Variants in PLD1 observed in about 807,000 individuals in gnomAD.
PLD1 encodes the protein phospholipase D1.
A neutral mutation model predicts 137.1 loss-of-function variants in PLD1; 112 were observed. That is an observed-to-expected ratio of 0.82 (90% CI 0.70 to 0.96). PLD1 has a LOEUF of 0.96. Among genes scored for constraint, PLD1 ranks in the 40% least tolerant of loss-of-function variants. PLD1 has a pLI of 0.00. For missense variants in PLD1, 1,321 were observed against 1,342.0 expected, an observed-to-expected ratio of 0.98 and a Z score of 0.24; for synonymous variants, 431 against 454.7, an observed-to-expected ratio of 0.95 and a Z score of 0.66.
intron 1 of PLD1, among the ~76,000 whole-genome samples, chr3:171,743,111 T>C (rs368998899): frequency 1.3e-5 from 2 of 152,164 alleles, no homozygotes; most frequent in Admixed American, 1.3e-4. Flanking sequence ...GGTTGCAGTG[T>C]CCCTCTGTGA....
At chr3:171,806,579 GC>G (rs1459489532) in intron 1 of PLD1, among the ~76,000 whole-genome samples, 1 of 152,224 alleles carries the variant, frequency 6.6e-6, no homozygotes, top group Non-Finnish European at 1.5e-5. Context: ...CAGAGCTACA[GC>G]TTTTCTTGTG....
At chr3:171,802,843 C>T (rs1233660206) in intron 1 of PLD1, among the ~76,000 whole-genome samples, 1 of 152,128 alleles carries the variant, frequency 6.6e-6, no homozygotes, top group African/African-American at 2.4e-5. Context: ...TCGAGGCTAC[C>T]ATACAATGTG....
intron 19 of PLD1, among the ~76,000 whole-genome samples, chr3:171,670,678 A>G (rs1219265845): frequency 3.3e-5 from 5 of 152,146 alleles, no homozygotes; most frequent in Admixed American, 2.6e-4. Flanking sequence ...CTTCCTTTTA[A>G]TTTTTGTCCT....
intron 13 of PLD1, among the ~76,000 whole-genome samples, chr3:171,690,023 T>C (rs1354331952): frequency 6.6e-6 from 1 of 152,228 alleles, no homozygotes; most frequent in Non-Finnish European, 1.5e-5. Flanking sequence ...GCTTTTCATC[T>C]GGGGGAGATT....
chr3:171,649,706 A>G (rs942878543), intron 21 of PLD1, among the ~76,000 whole-genome samples: 3 of 152,228 alleles, frequency 2.0e-5, no homozygotes, highest in Non-Finnish European at 4.4e-5. Context: ...CACTTCATCC[A>G]CATTAGTTCA....
intron 19 of PLD1, among the ~76,000 whole-genome samples, chr3:171,665,967 G>C (rs769641686): frequency 6.6e-6 from 1 of 152,090 alleles, no homozygotes; most frequent in African/African-American, 2.4e-5. Context: ...AAAATCACTT[G>C]GGATTGTTAT....
At chr3:171,721,214 G>A (rs765959244) in intron 8 of PLD1, 8 of 152,246 alleles carry the variant, frequency 5.3e-5, no homozygotes, top group Non-Finnish European at 1.2e-4. Context: ...GACGCCTTAG[G>A]TTGGGTTGTC....
intron 1 of PLD1, among the ~76,000 whole-genome samples, chr3:171,784,117 A>G (rs1189248062): frequency 6.6e-6 from 1 of 152,224 alleles, no homozygotes; most frequent in Non-Finnish European, 1.5e-5. Flanking sequence ...TAGAATGGGA[A>G]ATATAAGACA....
chr3:171,757,569 T>C (rs1721115490), intron 1 of PLD1, among the ~76,000 whole-genome samples: 1 of 152,176 alleles, frequency 6.6e-6, no homozygotes, highest in Admixed American at 6.5e-5. Flanking sequence ...AGAGTCCTTT[T>C]GAAATCACTT....
chr3:171,764,956 A>AAG (rs1721843386), intron 1 of PLD1, among the ~76,000 whole-genome samples: 1 of 82,856 alleles, frequency 1.2e-5, no homozygotes, highest in African/African-American at 3.7e-5. Flanking sequence ...GAAAGAAAGA[A>AAG]AGAAAGAAAG....
At chr3:171,748,656 A>G (rs1720439394) in intron 1 of PLD1, among the ~76,000 whole-genome samples, 1 of 151,978 alleles carries the variant, frequency 6.6e-6, no homozygotes, top group African/African-American at 2.4e-5. Context: ...TTGGCCATCT[A>G]TGTAATTACT....
At chr3:171,652,056 C>T (rs940945806) in intron 21 of PLD1, among the ~76,000 whole-genome samples, 1 of 152,274 alleles carries the variant, frequency 6.6e-6, no homozygotes, top group South Asian at 2.1e-4. Context: ...CTCCAGAAAT[C>T]GTACAGAGCT....
At chr3:171,708,907 A>C in intron 10 of PLD1, 69 bp from the exon 11 acceptor site, 1 of 969,072 alleles carries the variant, frequency 1.0e-6, no homozygotes, top group Non-Finnish European at 1.6e-6. Context: ...TCTTATGGTA[A>C]AGCAAAACAT....
intron 25 of PLD1, among the ~76,000 whole-genome samples, chr3:171,609,706 A>G (rs1019355983): frequency 6.6e-6 from 1 of 152,174 alleles, no homozygotes; most frequent in Admixed American, 6.6e-5. Flanking sequence ...GTACATACAC[A>G]TGGATGTACA....
chr3:171,771,156 G>C (rs1384836687), intron 1 of PLD1: 1 of 152,140 alleles, frequency 6.6e-6, no homozygotes, highest in African/African-American at 2.4e-5. Context: ...AAGAAAATCT[G>C]ACACACGCAG....
At chr3:171,625,015 A>G (rs1733962337) in intron 23 of PLD1, among the ~76,000 whole-genome samples, 1 of 152,130 alleles carries the variant, frequency 6.6e-6, no homozygotes, top group African/African-American at 2.4e-5. Context: ...AGTTCTGGCT[A>G]TTGGAAGCAT....
chr3:171,746,548 G>A (rs1212679967), intron 1 of PLD1, among the ~76,000 whole-genome samples: 1 of 152,134 alleles, frequency 6.6e-6, no homozygotes, highest in African/African-American at 2.4e-5. Context: ...CTCAAGGTCT[G>A]TAAACACACC....
chr3:171,714,711 TAGAC>T (rs1433749450), intron 8 of PLD1, among the ~76,000 whole-genome samples: 2 of 152,224 alleles, frequency 1.3e-5, no homozygotes, highest in Non-Finnish European at 2.9e-5. Flanking sequence ...GAATTTAATG[TAGAC>T]AGACCTACAT....
At chr3:171,759,378 A>T (rs985831278) in intron 1 of PLD1, among the ~76,000 whole-genome samples, 7 of 152,240 alleles carry the variant, frequency 4.6e-5, no homozygotes, top group Non-Finnish European at 1.0e-4. Flanking sequence ...ATTACTGAAG[A>T]TACTAATTTT....
Sources: allele counts gnomAD v4.1 joint callset (sites outside exome capture counted in the v4.1 genomes callset), GRCh38; gene constraint gnomAD v4.1.1; transcripts MANE v1.5; gene names NCBI Gene and HGNC (gene_info 2026-07-23, HGNC 2026-07-21).